Variants in ZNFX1 observed in about 807,000 individuals in gnomAD.
ZNFX1 encodes zinc finger NFX1-type containing 1, also known as NFX1-type zinc finger-containing protein 1.
In ZNFX1, 78 loss-of-function variants were observed where a neutral mutation model predicts 179.8. That is an observed-to-expected ratio of 0.43 (90% CI 0.36 to 0.52). The LOEUF is 0.52. ZNFX1 is among the 20% of genes least tolerant of loss of function. ZNFX1 has a pLI of 0.00. For missense variants in ZNFX1, 1,927 were observed against 2,386.6 expected, an observed-to-expected ratio of 0.81 and a Z score of 4.01; for synonymous variants, 848 against 868.5, an observed-to-expected ratio of 0.98 and a Z score of 0.42.
intron 2 of ZNFX1, among the ~76,000 whole-genome samples, chr20:49,273,004 T>G (rs1236198960): frequency 1.2e-5 from 1 of 81,448 alleles, no homozygotes; most frequent in Non-Finnish European, 3.5e-5. Context: ...ATACAATGAT[T>G]TGATAAAAAA....
Position 49,254,550 on chromosome 20 carries a change from G to A in ZNFX1, c.2904C>T (p.Leu968=). 1 of 1,614,134 alleles carries A rather than the reference G, an allele frequency of 6.2e-7. No homozygotes were observed. Among genetic ancestry groups the A allele is most frequent in the South Asian group, 1.1e-5 (1 of 91,076 alleles). ...CTTTAAGAATGTGCAGGTCTTCCTG[G>A]AGTCTCAGCTCGGCCATTCTTTCTG... is the stretch of plus-strand genomic sequence containing the variant. ...TSAERMAELR[L]QEDLHILKDA... The change falls in exon 10 of 14, where the codon CTC becomes CTT. Residue 968 remains leucine (L), a synonymous_variant. Transcript: ENST00000396105.
intron 9 of ZNFX1, 108 bp downstream of exon 9, chr20:49,255,700 G>A (rs940566318): frequency 3.9e-6 from 5 of 1,285,672 alleles, no homozygotes; most frequent in Non-Finnish European, 5.4e-6. Context: ...CAGTGGTGGT[G>A]CTCAATCAAT....
chr20:49,255,882 G>A lies in ZNFX1; in HGVS notation c.2730C>T (p.Thr910=), dbSNP rs968309019. 2.5e-6 allele frequency: 4 copies of A among 1,614,140 alleles called. No homozygotes were observed. The highest frequency in any genetic ancestry group is 3.3e-5 in the Admixed American group (2 of 60,018). Residue 910 remains threonine (T), a synonymous_variant, in exon 9 of 14, where the codon ACC becomes ACT. Transcript: ENST00000396105. ...TCTCGTTGGCCTCGGCTGCAGTCATGGTGTTCAGTTTGCGAAGCTCATCCT... is the reference window on the plus strand; with the variant it reads ...TCTCGTTGGCCTCGGCTGCAGTCATAGTGTTCAGTTTGCGAAGCTCATCCT... The part of the protein sequence containing the change: ...RVKDELRKLN[T]MTAAEANEIE...
intron 3 of ZNFX1, among the ~76,000 whole-genome samples, chr20:49,269,567 G>T (rs1266514417): frequency 1.3e-5 from 2 of 152,188 alleles, no homozygotes; most frequent in Non-Finnish European, 2.9e-5. Context: ...TATAATCCCA[G>T]CTACTTGGGA....
At position 49,248,909 on chromosome 20, in the gene ZNFX1, CA is replaced by C; in HGVS notation, c.4114del (p.Cys1372AlafsTer9). On this transcript the variant is annotated frameshift_variant, in exon 14 of 14. Coordinates refer to ENST00000396105, the MANE Select transcript of ZNFX1 (RefSeq NM_021035.3). LOFTEE classifies it high-confidence loss of function. The surrounding 1 kb of genome is among the most constrained non-coding windows in gnomAD (Gnocchi z 4.6). ...CAGAGACTTGGAGCAAGGCTCCTGG[CA>C]GCAGAAATCTGACTCAGGCACGGAA... ...PCSVPESDFC[C>X]QEPCSKSLRC... is the part of the protein sequence containing the mutation. 1 of 1,614,282 alleles carries C rather than the reference CA, an allele frequency of 6.2e-7. No individual in the cohort carries two copies. Among genetic ancestry groups the C allele is most frequent in the Non-Finnish European group, 8.5e-7 (1 of 1,180,054 alleles).
Position 49,248,149 on chromosome 20 carries a change from G to A in ZNFX1, c.4875C>T (p.Pro1625=). ...RLKVCPICQV[P]IRKNLRYGTS... ...TTCCATACCTCAGGTTTTTGCGGAT[G>A]GGCACCTGGCAGATAGGGCAGACTT... Residue 1625 remains proline (P), a synonymous_variant, in exon 14 of 14, where the codon CCC becomes CCT. Transcript: ENST00000396105. This position sits in a 1 kb window ranked among gnomAD's most constrained non-coding sequence, Gnocchi z 4.6. 2 of 1,614,116 alleles carry A rather than the reference G, an allele frequency of 1.2e-6. No individual in the cohort carries two copies. Among genetic ancestry groups the A allele is most frequent in the South Asian group, 2.2e-5 (2 of 91,074 alleles).
In ZNFX1 at chr20:49,257,488, G is replaced by C. The variant is rs140581861; in HGVS notation, c.2593C>G (p.Leu865Val). ...CCACAATGGTCTAGCCTCATGGCCA[G>C]AAGCATTTTAGCCAACTCCTGGTCT... The part of the protein sequence containing the change: ...GADQELAKML[L>V]AMRLDHCGTG... The change falls in exon 8 of 14, where the codon CTG becomes GTG. Residue 865 changes from leucine (L) to valine (V), a missense_variant. Leu to Val is a conservative substitution (Grantham distance 32). Coordinates refer to ENST00000396105, the MANE Select transcript of ZNFX1 (RefSeq NM_021035.3). 6.2e-7 allele frequency: 1 copy of C among 1,614,018 alleles called. No individual in the cohort carries two copies. The highest frequency in any genetic ancestry group is 8.5e-7 in the Non-Finnish European group (1 of 1,180,012).
chr20:49,258,198 C>A (rs565022798), intron 7 of ZNFX1, among the ~76,000 whole-genome samples: 1 of 148,866 alleles, frequency 6.7e-6, no homozygotes, highest in Admixed American at 6.8e-5. Context: ...CGGGTTCAAG[C>A]GATTCTCCTG....
rs960795409 is a variant in ZNFX1, at chr20:49,255,921, C to A, written c.2691G>T (p.Met897Ile). 6.2e-7 allele frequency: 1 copy of A among 1,613,912 alleles called. No homozygotes were observed. The highest frequency in any genetic ancestry group is 1.3e-5 in the African/African-American group (1 of 74,894). ...WQTQRNQKKKMKKRVKDELRK... is the reference protein window; with the variant it reads ...WQTQRNQKKKIKKRVKDELRK... ...GAAGCTCATCCTTCACTCTTTTTTT[C>A]ATTTTCTTTTTCTGGTTGCGCTGGG... is the stretch of plus-strand genomic sequence containing the variant. The change falls in exon 9 of 14, where the codon ATG becomes ATT. Residue 897 changes from methionine (M) to isoleucine (I), a missense_variant. Physicochemically the swap from Met to Ile is conservative, Grantham distance 10. Coordinates refer to ENST00000396105, the MANE Select transcript of ZNFX1 (RefSeq NM_021035.3).
rs746849863 is a variant in ZNFX1 at position 49,248,636 on chromosome 20, T to C, written c.4388A>G (p.Gln1463Arg). ...GCAGATAAGCAGGCGCTTGCAGGGC[T>C]GCTGACAGCGTTCATGGAAACGCCC... ...FEGRFHERCQ[Q>R]PCKRLLICSH... is the part of the protein sequence containing the mutation. The change falls in exon 14 of 14, where the codon CAG (glutamine) becomes CGG (arginine). Residue 1463 changes from glutamine (Q) to arginine (R), a missense_variant. By Grantham distance (43) the Gln-to-Arg change is conservative. Transcript: ENST00000396105. The surrounding 1 kb of genome is among the most constrained non-coding windows in gnomAD (Gnocchi z 4.6). 2 of 1,613,990 alleles carry C rather than the reference T, an allele frequency of 1.2e-6. No homozygotes were observed. Among genetic ancestry groups the C allele is most frequent in the East Asian group, 4.5e-5 (2 of 44,886 alleles).
In ZNFX1 at chr20:49,270,935, TCTC is replaced by T; in HGVS notation, c.874_876del (p.Glu292del). ...ATAGTCTGTACCTTTTCCAGGTTCT[TCTC>T]CGTTTCCTCTTCTATGTCAACACCA... is the stretch of plus-strand genomic sequence containing the variant. On this transcript the variant is annotated inframe_deletion, in exon 3 of 14. Coordinates refer to ENST00000396105, the MANE Select transcript of ZNFX1 (RefSeq NM_021035.3). The surrounding 1 kb of genome is among the most constrained non-coding windows in gnomAD (Gnocchi z 4.6). The T allele has an allele frequency of 6.2e-7, 1 of 1,614,194 alleles. No individual in the cohort carries two copies. Among genetic ancestry groups the T allele is most frequent in the Non-Finnish European group, 8.5e-7 (1 of 1,180,038 alleles).
chr20:49,254,875 A>G (rs1232286807), intron 9 of ZNFX1, among the ~76,000 whole-genome samples: 1 of 152,164 alleles, frequency 6.6e-6, no homozygotes, highest in Admixed American at 6.5e-5. Context: ...AAGGTTAACT[A>G]TGGGAAGAAA....
chr20:49,260,552 T>C lies in ZNFX1; in HGVS notation c.2327A>G (p.His776Arg), dbSNP rs1320022125. 6.2e-7 allele frequency: 1 copy of C among 1,611,160 alleles called. No individual in the cohort carries two copies. Among genetic ancestry groups the C allele is most frequent in the Admixed American group, 1.7e-5 (1 of 59,798 alleles). The change falls in exon 7 of 14, where the codon CAC becomes CGC. Residue 776 changes from histidine (H) to arginine (R), a missense_variant. Transcript: ENST00000396105. ...VQDSEWICFQ[H>R]WKHSMMLEWL... ...CTCCAGCATCATGGAATGCTTCCAG[T>C]GCTGGAAGCAAATCCATTCACTATC...
chr20:49,257,299 T>C, intron 8 of ZNFX1, 118 bp downstream of exon 8: 1 of 1,400,418 alleles, frequency 7.1e-7, no homozygotes, highest in Non-Finnish European at 9.7e-7. Context: ...AGGGGTAGGC[T>C]GTAATACAGG....
chr20:49,252,422 G>A (rs915448728), intron 12 of ZNFX1, among the ~76,000 whole-genome samples: 2 of 151,606 alleles, frequency 1.3e-5, no homozygotes, highest in Non-Finnish European at 2.9e-5. Flanking sequence ...GATTGCAGGT[G>A]TGAGCCACCG....
Position 49,246,872 on chromosome 20 carries a change from A to ATTT in ZNFX1, c.*392_*394dup, listed in dbSNP as rs71647791. On this transcript the variant is annotated 3_prime_UTR_variant, in exon 14 of 14. Transcript: ENST00000396105. ...GTAGGTGCTAAGACTAAAAAGAATG[A>ATTT]TTTTTTTTTTTTTGAGACAGAGTCT... is the stretch of plus-strand genomic sequence containing the variant. 1 of 427,768 alleles carries ATTT rather than the reference A, an allele frequency of 2.3e-6. No homozygotes were observed. The highest frequency in any genetic ancestry group is 4.7e-6 in the Non-Finnish European group (1 of 211,776). The allele number at this position is 427,768 out of a possible 1,614,324, so 26.5% of individuals were successfully genotyped here. A position where few individuals can be genotyped will look rare whatever the true frequency, so the allele number is the denominator to read the frequency against.
At position 49,248,077 on chromosome 20, in the gene ZNFX1, C is replaced by G. The variant is rs1369210730; in HGVS notation, c.4947G>C (p.Lys1649Asn). ...CTATTTCCCCTGCTGAGCCCTGGATCTTTTCCTTGATGATTTCAATCTCTT... is the reference window on the plus strand; with the variant it reads ...CTATTTCCCCTGCTGAGCCCTGGATGTTTTCCTTGATGATTTCAATCTCTT... ...RLEEIEIIKE[K>N]IQGSAGEIAT... The change falls in exon 14 of 14, where the codon AAG becomes AAC. Residue 1649 changes from lysine (K) to asparagine (N), a missense_variant. Transcript: ENST00000396105. The surrounding 1 kb of genome is among the most constrained non-coding windows in gnomAD (Gnocchi z 4.6). 1.9e-6 allele frequency: 3 copies of G among 1,614,068 alleles called. No homozygotes were observed.
intron 2 of ZNFX1, among the ~76,000 whole-genome samples, chr20:49,273,596 A>G (rs1398349910): frequency 6.6e-6 from 1 of 152,200 alleles, no homozygotes; most frequent in Admixed American, 6.5e-5. Context: ...AGAAGACTCT[A>G]TGTCTTGGAA....
chr20:49,257,365 C>T (rs1447200190), intron 8 of ZNFX1, 52 bp downstream of exon 8: 2 of 1,601,418 alleles, frequency 1.2e-6, no homozygotes, highest in Non-Finnish European at 1.7e-6. Context: ...TGGGGGAAAA[C>T]AAGCGGTCAG....
Sources: gnomAD v4.1 joint callset for allele counts (sites outside exome capture counted in the v4.1 genomes callset) on GRCh38, gnomAD v4.1.1 for gene constraint, Gnocchi (gnomAD v3.1) non-coding constraint, MANE v1.5 for transcripts, NCBI Gene and HGNC (gene_info 2026-07-23, HGNC 2026-07-21) for gene names.